The following NHS variants were observed in gnomAD, a reference collection of about 807,000 sequenced individuals.
NHS encodes actin remodeling regulator NHS.
NHS carries 5 observed loss-of-function variants against 72.5 expected under a neutral mutation model. The ratio of observed to expected loss-of-function variants is 0.07; its 90% CI spans 0.04 to 0.14. NHS has a LOEUF of 0.14. NHS is among the 10% of genes least tolerant of loss of function. The probability of loss-of-function intolerance (pLI) is 1.00; values close to 1 mark genes in which losing one functional copy is unlikely to be tolerated. For missense variants in NHS, 1,072 were observed against 1,355.7 expected, an observed-to-expected ratio of 0.79 and a Z score of 3.29; for synonymous variants, 464 against 547.7, an observed-to-expected ratio of 0.85 and a Z score of 2.13.
intron 5 of NHS, among the ~76,000 whole-genome samples, chrX:17,722,321 T>C (rs1315935102): frequency 2.7e-5 from 3 of 112,402 alleles, no homozygotes; most frequent in African/African-American, 9.7e-5. Context: ...GTAAGTAAAA[T>C]AATGTTATAA....
At chrX:17,622,927 T>TA (rs1009316459) in intron 1 of NHS, among the ~76,000 whole-genome samples, 1 of 109,851 alleles carries the variant, frequency 9.1e-6, no homozygotes. Flanking sequence ...ATTTTATTAT[T>TA]AAAAAAAAAT....
chrX:17,548,878 C>T (rs1222547864), intron 1 of NHS, among the ~76,000 whole-genome samples: 3 of 110,899 alleles, frequency 2.7e-5, no homozygotes, highest in Admixed American at 9.5e-5. Flanking sequence ...TTAAGGTGAA[C>T]GTTGAATCAA....
rs1205533001 is a variant in NHS, at chrX:17,692,341, G to A, written c.725G>A (p.Arg242Gln). ...TGCTTTTTCTCCTTCTCAGAACACC[G>A]GAGCCGGAGCGATCGCCGAGAGCAA... ...QSLQALRREH[R>Q]SRSDRREQRA... Residue 242 changes from arginine (R) to glutamine (Q), a missense_variant, in exon 3 of 9, where the codon CGG (arginine) becomes CAG (glutamine). Arg to Gln is a conservative substitution (Grantham distance 43, BLOSUM62 1). Coordinates refer to ENST00000676302, the MANE Select transcript of NHS (RefSeq NM_001291867.2). 11 of 1,207,544 alleles carry A rather than the reference G, an allele frequency of 9.1e-6. No homozygotes were observed. In the South Asian group the frequency reaches 1.1e-4, roughly 12 times the overall value.
intron 3 of NHS, among the ~76,000 whole-genome samples, chrX:17,695,941 A>G (rs1430431418): frequency 7.4e-5 from 7 of 95,094 alleles, no homozygotes; most frequent in Admixed American, 1.1e-4. Flanking sequence ...AAAAAAAAAA[A>G]AGGGGGGGGG....
chrX:17,536,699 A>G (rs1414412076), intron 1 of NHS, among the ~76,000 whole-genome samples: 2 of 112,558 alleles, frequency 1.8e-5, no homozygotes, highest in South Asian at 3.7e-4. Context: ...ATCTAAAAGT[A>G]TATTCTTGTG....
chrX:17,408,310 A>C (rs1157089705), intron 1 of NHS, among the ~76,000 whole-genome samples: 2 of 111,920 alleles, frequency 1.8e-5, no homozygotes, highest in Admixed American at 1.9e-4. Context: ...CTGCCTGAAC[A>C]GTATATGCAC....
intron 1 of NHS, among the ~76,000 whole-genome samples, chrX:17,377,668 C>T (rs1399632202): frequency 3.5e-5 from 4 of 113,587 alleles, no homozygotes; most frequent in Admixed American, 9.2e-5. Flanking sequence ...CCCTCCTCCT[C>T]CGAAAAACCC....
chrX:17,632,368 T>C (rs2065825269), intron 1 of NHS, among the ~76,000 whole-genome samples: 2 of 110,561 alleles, frequency 1.8e-5, no homozygotes, highest in Admixed American at 1.9e-4. Flanking sequence ...TTTTTTCCGA[T>C]TTTGTAAAAC....
At chrX:17,542,689 C>CAGAGAGAG (rs746365760) in intron 1 of NHS, among the ~76,000 whole-genome samples, 3 of 105,227 alleles carry the variant, frequency 2.9e-5, no homozygotes. Context: ...GTCCTGAATC[C>CAGAGAGAG]AGAGAGAGAG....
At chrX:17,624,272 G>A (rs770843744) in intron 1 of NHS, among the ~76,000 whole-genome samples, 20 of 112,718 alleles carry the variant, frequency 1.8e-4, no homozygotes, top group Non-Finnish European at 3.2e-4. Flanking sequence ...GCCTAGCAGA[G>A]CATGGTGTAA....
intron 1 of NHS, among the ~76,000 whole-genome samples, chrX:17,650,219 C>T (rs1302427785): frequency 1.8e-4 from 20 of 112,635 alleles, no homozygotes. Flanking sequence ...GAACATATTA[C>T]TTCCCTTGCA....
intron 1 of NHS, among the ~76,000 whole-genome samples, chrX:17,445,141 A>G (rs950543488): frequency 9.1e-6 from 1 of 109,742 alleles, no homozygotes; most frequent in African/African-American, 3.3e-5. Context: ...CAAAGGGCAC[A>G]TCGAGCATTT....
At chrX:17,528,407 C>T (rs1327912510) in intron 1 of NHS, 1 of 112,066 alleles carries the variant, frequency 8.9e-6, no homozygotes, top group Admixed American at 9.4e-5. Context: ...TACATCACCC[C>T]TGCCCTTAAA....
In NHS at chrX:17,375,203, G is replaced by A. The variant is rs62586064; in HGVS notation, c.-555G>A. Among the ~76,000 whole-genome samples the A allele has an allele frequency of 0.022, 2,467 of 111,683 alleles. 28 individuals are homozygous for A. The highest frequency in any genetic ancestry group is 0.033 in the Non-Finnish European group (1,726 of 52,860). ...AGATTCCTCTCTCCGGGTTTTCAGA[G>A]CGCCTTTCCGAAACCTCCTCCCCGC... On this transcript the variant is annotated 5_prime_UTR_variant, in exon 1 of 9. Coordinates refer to ENST00000676302, the MANE Select transcript of NHS (RefSeq NM_001291867.2).
chrX:17,513,181 C>G (rs775685247), intron 1 of NHS, among the ~76,000 whole-genome samples: 3 of 112,112 alleles, frequency 2.7e-5, no homozygotes, highest in Non-Finnish European at 5.6e-5. Context: ...AAAAAATTAA[C>G]GTGGAACCTT....
intron 1 of NHS, among the ~76,000 whole-genome samples, chrX:17,438,730 TCTTC>T (rs2064736344): frequency 8.9e-6 from 1 of 111,888 alleles, no homozygotes; most frequent in African/African-American, 3.3e-5. Flanking sequence ...AATGGGGATG[TCTTC>T]AGCAAGAAAT....
intron 1 of NHS, among the ~76,000 whole-genome samples, chrX:17,656,012 G>A: frequency 8.8e-6 from 1 of 113,005 alleles, no homozygotes; most frequent in East Asian, 2.8e-4. Context: ...AAGGGGGAAT[G>A]CAGTCCTAAC....
At chrX:17,655,173 C>G (rs1004887592) in intron 1 of NHS, among the ~76,000 whole-genome samples, 1 of 111,955 alleles carries the variant, frequency 8.9e-6, no homozygotes, top group Non-Finnish European at 1.9e-5. Flanking sequence ...CACCCTCTTG[C>G]CCGGGCTGGA....
At chrX:17,617,231 C>T (rs962722834) in intron 1 of NHS, among the ~76,000 whole-genome samples, 2 of 112,124 alleles carry the variant, frequency 1.8e-5, no homozygotes, top group Non-Finnish European at 3.8e-5. Context: ...GCTGCCCCTA[C>T]GCAACCACAC....
Sources: gnomAD v4.1 joint callset for allele counts (sites outside exome capture counted in the v4.1 genomes callset) on GRCh38, gnomAD v4.1.1 for gene constraint, MANE v1.5 for transcripts, NCBI Gene and HGNC (gene_info 2026-07-23, HGNC 2026-07-21) for gene names.